The following STRADB variants were observed in gnomAD, a reference collection of about 807,000 sequenced individuals.
STRADB encodes the protein STE20 related adaptor beta.
STRADB carries 34 observed loss-of-function variants against 52.1 expected under a neutral mutation model. The ratio of observed to expected loss-of-function variants is 0.65; its 90% CI spans 0.50 to 0.87. The LOEUF is 0.87. STRADB is among the 40% of genes least tolerant of loss of function. STRADB has a pLI of 0.00. For synonymous variants in STRADB, 133 were observed against 174.5 expected, an observed-to-expected ratio of 0.76 and a Z score of 1.87; for missense variants, 340 against 483.9, an observed-to-expected ratio of 0.70 and a Z score of 2.79.
intron 8 of STRADB, 60 bp downstream of exon 8, chr2:201,477,850 A>C: frequency 6.3e-7 from 1 of 1,585,826 alleles, no homozygotes; most frequent in Non-Finnish European, 8.6e-7. Context: ...AGTTTGGCTA[A>C]AGTACAGTTG....
chr2:201,473,229 A>G (rs1170592023), intron 5 of STRADB, among the ~76,000 whole-genome samples, 153 bp downstream of exon 5: 3 of 152,226 alleles, frequency 2.0e-5, no homozygotes, highest in Admixed American at 6.5e-5. Flanking sequence ...AACTATTTAC[A>G]TAGCATTTAC....
At chr2:201,453,484 G>A (rs755523619) in intron 1 of STRADB, among the ~76,000 whole-genome samples, 8 of 152,102 alleles carry the variant, frequency 5.3e-5, no homozygotes, top group Middle Eastern at 3.4e-3. Context: ...ATGATTACTT[G>A]GCTGTTAACA....
At position 201,458,825 on chromosome 2, in the gene STRADB, A is replaced by T; in HGVS notation, c.54A>T (p.Arg18Ser). The change falls in exon 3 of 12, where the codon AGA becomes AGT. Residue 18 changes from arginine to serine, a missense_variant. Arg to Ser is a moderately radical substitution (Grantham distance 110). Coordinates refer to ENST00000194530, the MANE Select transcript of STRADB (RefSeq NM_018571.6). ...CAAGAACACAAGTTGAATCACTCAG[A>T]CCTGAAAAACAGTCTGAAACCAGTA... Reference protein sequence around the residue: ...CTSRTQVESLRPEKQSETSIH... With the variant: ...CTSRTQVESLSPEKQSETSIH... 1 of 1,614,016 alleles carries T rather than the reference A, an allele frequency of 6.2e-7. No individual in the cohort carries two copies. The highest frequency in any genetic ancestry group is 8.5e-7 in the Non-Finnish European group (1 of 1,179,944).
chr2:201,464,352 G>GT (rs1253458235), intron 3 of STRADB, among the ~76,000 whole-genome samples: 1 of 152,146 alleles, frequency 6.6e-6, no homozygotes, highest in African/African-American at 2.4e-5. Context: ...ACTCACAGAG[G>GT]TACCATCTTG....
At chr2:201,458,609 T>C (rs1437028935) in intron 2 of STRADB, among the ~76,000 whole-genome samples, 175 bp from the exon 3 acceptor site, 1 of 152,188 alleles carries the variant, frequency 6.6e-6, no homozygotes, top group Non-Finnish European at 1.5e-5. Flanking sequence ...ACTTCTCCCT[T>C]CTCTCCCATG....
chr2:201,458,461 G>C (rs977730809), intron 2 of STRADB, among the ~76,000 whole-genome samples: 1 of 151,994 alleles, frequency 6.6e-6, no homozygotes, highest in African/African-American at 2.4e-5. Context: ...GAAAACCTCA[G>C]TGATGTTGAC....
intron 3 of STRADB, among the ~76,000 whole-genome samples, chr2:201,468,525 C>A (rs1426076417): frequency 6.6e-6 from 1 of 152,106 alleles, no homozygotes; most frequent in Non-Finnish European, 1.5e-5. Flanking sequence ...GTGTAATTGC[C>A]CTGGGCCTGG....
At chr2:201,474,141 C>T (rs567930181) in intron 5 of STRADB, among the ~76,000 whole-genome samples, 10 of 152,204 alleles carry the variant, frequency 6.6e-5, no homozygotes, top group South Asian at 6.2e-4. Flanking sequence ...CTGCCTGCCT[C>T]GGCCTCCCAA....
intron 3 of STRADB, chr2:201,460,771 G>C (rs941921555): frequency 5.5e-6 from 2 of 365,858 alleles, no homozygotes; most frequent in African/African-American, 4.2e-5. Context: ...TCTGTTGATA[G>C]ACACTTAAGT....
chr2:201,478,927 A>C (rs1311433863), intron 10 of STRADB, among the ~76,000 whole-genome samples: 1 of 151,982 alleles, frequency 6.6e-6, no homozygotes, highest in Non-Finnish European at 1.5e-5. Flanking sequence ...TACAAAAATT[A>C]GCCGGTGTGG....
At position 201,458,875 on chromosome 2, in the gene STRADB, G is replaced by C. The variant is rs748683720; in HGVS notation, c.93+11G>C. On this transcript the variant is annotated intron_variant, in intron 3 of 11. Transcript: ENST00000194530. ...ATCCATCAATACTTGGTAAGAAAATGGTTAGGCTGGATGCAGTGGTTCACA... is the reference window on the plus strand; with the variant it reads ...ATCCATCAATACTTGGTAAGAAAATCGTTAGGCTGGATGCAGTGGTTCACA... The C allele has an allele frequency of 6.2e-7, 1 of 1,610,868 alleles. No individual in the cohort carries two copies. Among genetic ancestry groups the C allele is most frequent in the Non-Finnish European group, 8.5e-7 (1 of 1,177,984 alleles).
In STRADB at chr2:201,479,488, G is replaced by A; in HGVS notation, c.1071-1G>A. 1 of 1,598,994 alleles carries A rather than the reference G, an allele frequency of 6.3e-7. No homozygotes were observed. Among genetic ancestry groups the A allele is most frequent in the Non-Finnish European group, 8.5e-7 (1 of 1,176,306 alleles). ...TTTTATAACTTTCTTAAAAATTTCA[G>A]GCCATCAGCAAGCAGTTTATTGTCC... On this transcript the variant is annotated splice_acceptor_variant, in intron 10 of 11. Transcript: ENST00000194530. LOFTEE classifies it high-confidence loss of function.
intron 4 of STRADB, among the ~76,000 whole-genome samples, chr2:201,471,305 G>C (rs958867418): frequency 8.5e-5 from 13 of 152,116 alleles, no homozygotes; most frequent in African/African-American, 2.9e-4. Flanking sequence ...AGTAGGCAGT[G>C]GTAGGAGATG....
chr2:201,465,833 C>T (rs1952294080), intron 3 of STRADB, among the ~76,000 whole-genome samples: 1 of 152,188 alleles, frequency 6.6e-6, no homozygotes, highest in African/African-American at 2.4e-5. Flanking sequence ...TAAATGCTCC[C>T]TCCTTGGGCA....
chr2:201,464,439 CCAAA>C (rs1034075300), intron 3 of STRADB, among the ~76,000 whole-genome samples: 12 of 152,246 alleles, frequency 7.9e-5, no homozygotes, highest in African/African-American at 2.9e-4. Flanking sequence ...TACTTTTCCC[CCAAA>C]CAGTTTCTCT....
chr2:201,470,688 A>G (rs1164893142), intron 4 of STRADB, among the ~76,000 whole-genome samples: 1 of 152,182 alleles, frequency 6.6e-6, no homozygotes, highest in African/African-American at 2.4e-5. Context: ...TAGTAGAGGT[A>G]TGTCCTAAGT....
chr2:201,479,933 A>G (rs1359986355), intron 11 of STRADB, 99 bp from the exon 12 acceptor site: 2 of 1,439,648 alleles, frequency 1.4e-6, no homozygotes, highest in African/African-American at 2.8e-5. Context: ...AACAATTTTA[A>G]ACACATTTAA....
chr2:201,468,210 G>C (rs1952335971), intron 3 of STRADB, among the ~76,000 whole-genome samples: 1 of 148,200 alleles, frequency 6.7e-6, no homozygotes, highest in Non-Finnish European at 1.5e-5. Flanking sequence ...ACAGAGCAAA[G>C]GCAAGGACTT....
chr2:201,456,920 ATGT>A (rs1952137287), intron 2 of STRADB, among the ~76,000 whole-genome samples: 1 of 152,208 alleles, frequency 6.6e-6, no homozygotes, highest in African/African-American at 2.4e-5. Context: ...GACATGTGAA[ATGT>A]TGTCTACTAG....
Sources: allele counts gnomAD v4.1 joint callset (sites outside exome capture counted in the v4.1 genomes callset), GRCh38; gene constraint gnomAD v4.1.1; transcripts MANE v1.5; gene names NCBI Gene and HGNC (gene_info 2026-07-23, HGNC 2026-07-21).